LRRIQ3: variants seen among roughly 807,000 people sequenced by gnomAD.
LRRIQ3 encodes the protein leucine rich repeats and IQ motif containing 3, also known as leucine-rich repeat and IQ domain-containing protein 3.
LRRIQ3 carries 75 observed loss-of-function variants against 59.3 expected under a neutral mutation model. The observed-to-expected ratio is 1.26, with a 90% CI of 1.05 to 1.53. The LOEUF is 1.53. Ranked by LOEUF, LRRIQ3 falls within the 40% of genes most tolerant of loss-of-function variation. The pLI is 0.00. For missense variants in LRRIQ3, 831 were observed against 710.0 expected (o/e 1.17, Z -1.94); for synonymous variants, 250 against 231.3 (o/e 1.08, Z -0.73).
chr1:74,029,888 T>A (rs2100354283), intron 7 of LRRIQ3, among the ~76,000 whole-genome samples: 1 of 152,190 alleles, frequency 6.6e-6, no homozygotes, highest in Non-Finnish European at 1.5e-5. Flanking sequence ...CTGTTATTGG[T>A]CTATTAAGAG....
chr1:74,100,226 A>T (rs1041741333), intron 5 of LRRIQ3, among the ~76,000 whole-genome samples: 4 of 152,300 alleles, frequency 2.6e-5, no homozygotes, highest in Non-Finnish European at 5.9e-5. Context: ...ATACAAAATC[A>T]ATGTGCAAAA....
intron 1 of LRRIQ3, among the ~76,000 whole-genome samples, chr1:74,190,694 AAAAC>A (rs1462823663): frequency 6.6e-6 from 1 of 152,088 alleles, no homozygotes; most frequent in Non-Finnish European, 1.5e-5. Flanking sequence ...AAATAAAAAA[AAAAC>A]AACCTCACAC....
At chr1:74,122,720 A>T (rs1000517532) in intron 4 of LRRIQ3, among the ~76,000 whole-genome samples, 2 of 152,316 alleles carry the variant, frequency 1.3e-5, no homozygotes, top group African/African-American at 4.8e-5. Flanking sequence ...TAAAACCATA[A>T]AAGCCCTAGA....
At chr1:74,100,945 C>T (rs543559243) in intron 5 of LRRIQ3, among the ~76,000 whole-genome samples, 2 of 152,178 alleles carry the variant, frequency 1.3e-5, no homozygotes, top group Admixed American at 6.5e-5. Flanking sequence ...AGACCTAAAA[C>T]CATAAAAACC....
At chr1:74,157,592 T>C (rs1648414404) in intron 3 of LRRIQ3, among the ~76,000 whole-genome samples, 1 of 152,086 alleles carries the variant, frequency 6.6e-6, no homozygotes, top group Non-Finnish European at 1.5e-5. Context: ...CACTGGCTTC[T>C]ATCCCTATCA....
At chr1:74,111,880 T>A (rs1646700200) in intron 4 of LRRIQ3, among the ~76,000 whole-genome samples, 2 of 152,014 alleles carry the variant, frequency 1.3e-5, no homozygotes, top group African/African-American at 4.8e-5. Context: ...AAGAAATGCA[T>A]AAATTTATCT....
At chr1:74,187,285 C>T (rs979521299) in intron 1 of LRRIQ3, among the ~76,000 whole-genome samples, 1 of 151,692 alleles carries the variant, frequency 6.6e-6, no homozygotes, top group Non-Finnish European at 1.5e-5. Flanking sequence ...CCTAAGTACC[C>T]ATCAACTAAT....
At chr1:74,031,441 G>T (rs909737375) in intron 7 of LRRIQ3, among the ~76,000 whole-genome samples, 15 of 152,200 alleles carry the variant, frequency 9.9e-5, no homozygotes, top group Admixed American at 3.3e-4. Flanking sequence ...CACAAAAAAT[G>T]ATGAGTTCAT....
chr1:74,125,043 T>C (rs1432060977), intron 4 of LRRIQ3, among the ~76,000 whole-genome samples: 1 of 152,018 alleles, frequency 6.6e-6, no homozygotes, highest in Non-Finnish European at 1.5e-5. Context: ...TCATCAATGT[T>C]TTAAGTTTTC....
At chr1:74,123,783 A>C (rs1342244277) in intron 4 of LRRIQ3, among the ~76,000 whole-genome samples, 1 of 152,040 alleles carries the variant, frequency 6.6e-6, no homozygotes, top group Non-Finnish European at 1.5e-5. Context: ...GCACAGATAT[A>C]TCTTCAACAG....
intron 5 of LRRIQ3, chr1:74,095,038 A>C: frequency 6.6e-6 from 1 of 152,110 alleles, no homozygotes; most frequent in East Asian, 1.9e-4. Flanking sequence ...ACCAGATATA[A>C]GCAGAGTGTT....
chr1:74,135,229 A>G (rs1268748044), intron 4 of LRRIQ3, among the ~76,000 whole-genome samples: 2 of 151,970 alleles, frequency 1.3e-5, no homozygotes, highest in Admixed American at 1.3e-4. Flanking sequence ...TATGTACCCA[A>G]CAAAAATGAG....
intron 4 of LRRIQ3, among the ~76,000 whole-genome samples, chr1:74,126,359 G>T (rs992895123): frequency 6.6e-6 from 1 of 151,286 alleles, no homozygotes; most frequent in African/African-American, 2.4e-5. Flanking sequence ...ATTTATTTCT[G>T]CTCTGATCTT....
At chr1:74,188,212 A>G (rs1335959943) in intron 1 of LRRIQ3, among the ~76,000 whole-genome samples, 1 of 152,166 alleles carries the variant, frequency 6.6e-6, no homozygotes, top group Non-Finnish European at 1.5e-5. Flanking sequence ...GTGGAAGCTA[A>G]ATTATGAAAA....
intron 6 of LRRIQ3, among the ~76,000 whole-genome samples, chr1:74,046,358 A>T (rs1654203049): frequency 6.6e-6 from 1 of 152,184 alleles, no homozygotes; most frequent in South Asian, 2.1e-4. Context: ...GAAATGGGGA[A>T]AGGGTACCCT....
chr1:74,086,349 A>T (rs1474432639), intron 5 of LRRIQ3, among the ~76,000 whole-genome samples: 2 of 152,108 alleles, frequency 1.3e-5, no homozygotes, highest in Non-Finnish European at 2.9e-5. Context: ...AGATTCCATT[A>T]ACCGACTTTT....
At chr1:74,142,883 T>C (rs111536915) in intron 4 of LRRIQ3, among the ~76,000 whole-genome samples, 1 of 151,946 alleles carries the variant, frequency 6.6e-6, no homozygotes, top group African/African-American at 2.4e-5. Flanking sequence ...TTTTTATGAC[T>C]CCAGTCTTCC....
At chr1:74,136,061 C>A (rs938130979) in intron 4 of LRRIQ3, among the ~76,000 whole-genome samples, 1 of 151,664 alleles carries the variant, frequency 6.6e-6, no homozygotes, top group Non-Finnish European at 1.5e-5. Flanking sequence ...TTACTAATGA[C>A]CTTACAGAAA....
chr1:74,102,786 C>T (rs1646553902), intron 5 of LRRIQ3, among the ~76,000 whole-genome samples: 1 of 151,970 alleles, frequency 6.6e-6, no homozygotes, highest in Admixed American at 6.6e-5. Flanking sequence ...GCAATTCACA[C>T]AGCTTTTTAC....
Sources: allele counts gnomAD v4.1 joint callset (sites outside exome capture counted in the v4.1 genomes callset), GRCh38; gene constraint gnomAD v4.1.1; transcripts MANE v1.5; gene names NCBI Gene and HGNC (gene_info 2026-07-23, HGNC 2026-07-21).